The following NECAB3 variants were observed in gnomAD, a reference collection of about 807,000 sequenced individuals.
NECAB3 encodes the protein N-terminal EF-hand calcium binding protein 3, also known as N-terminal EF-hand calcium-binding protein 3.
NECAB3 carries 38 observed loss-of-function variants against 57.2 expected under a neutral mutation model. The observed-to-expected ratio is 0.66, with a 90% CI of 0.51 to 0.87. NECAB3 has a LOEUF of 0.87. Ranked by LOEUF, NECAB3 falls within the 40% of genes least tolerant of loss-of-function variation. NECAB3 has a pLI of 0.00. For synonymous variants in NECAB3, 223 were observed against 222.6 expected, an observed-to-expected ratio of 1.00 and a Z score of -0.02; for missense variants, 474 against 527.5, an observed-to-expected ratio of 0.90 and a Z score of 0.99.
At position 33,659,904 on chromosome 20, in the gene NECAB3, G is replaced by A; in HGVS notation, c.624C>T (p.Ser208=). The change falls in exon 7 of 12, where the codon TCC becomes TCT. Residue 208 remains serine (S), a synonymous_variant. Transcript: ENST00000246190. The stretch of plus-strand genomic sequence containing the variant: ...GCGCACCTGTGTCAGAAGAGCCGGG[G>A]GACCAGGTGGATGACCGGCTGACAC... The part of the protein sequence containing the change: ...LRSVSRSSTW[S]PGSSDTGRSS... 1 of 1,546,902 alleles carries A rather than the reference G, an allele frequency of 6.5e-7. No homozygotes were observed. The highest frequency in any genetic ancestry group is 2.0e-5 in the Admixed American group (1 of 51,082).
intron 5 of NECAB3, chr20:33,663,925 C>A: frequency 7.5e-7 from 1 of 1,336,604 alleles, no homozygotes; most frequent in Non-Finnish European, 9.6e-7. Flanking sequence ...CGCCTGCGAA[C>A]CCTGTCGGAG....
At position 33,657,736 on chromosome 20, in the gene NECAB3, C is replaced by CA; in HGVS notation, c.*92dup. ...CACCAGGCCCAAGTCCAGGAGGAGA[C>CA]AAGTCCTGGTCTTTGCGCTGGGCTG... On this transcript the variant is annotated 3_prime_UTR_variant, in exon 12 of 12. Coordinates refer to ENST00000246190, the MANE Select transcript of NECAB3 (RefSeq NM_031232.4). 1 of 1,353,832 alleles carries CA rather than the reference C, an allele frequency of 7.4e-7. No individual in the cohort carries two copies. The highest frequency in any genetic ancestry group is 9.9e-7 in the Non-Finnish European group (1 of 1,014,340). The allele number at this position is 1,353,832 out of a possible 1,614,324, so 83.9% of individuals were successfully genotyped here.
At chr20:33,664,981 G>A (rs998682340) in intron 5 of NECAB3, 2 of 152,230 alleles carry the variant, frequency 1.3e-5, no homozygotes, top group South Asian at 2.1e-4. Context: ...CCTGCTAATT[G>A]TGAGAACTGA....
At chr20:33,661,121 A>AG (rs1568893892) in intron 5 of NECAB3, among the ~76,000 whole-genome samples, 1 of 152,236 alleles carries the variant, frequency 6.6e-6, no homozygotes, top group Non-Finnish European at 1.5e-5. Context: ...CAGCACATGG[A>AG]GCTGCAAGAA....
intron 4 of NECAB3, 60 bp downstream of exon 4, chr20:33,669,627 C>A: frequency 6.4e-7 from 1 of 1,552,742 alleles, no homozygotes; most frequent in Non-Finnish European, 8.7e-7. Flanking sequence ...CAGTCCCTTG[C>A]CACACGTACC....
intron 5 of NECAB3, among the ~76,000 whole-genome samples, chr20:33,661,155 T>C (rs2017464070): frequency 6.6e-6 from 1 of 152,198 alleles, no homozygotes; most frequent in African/African-American, 2.4e-5. Flanking sequence ...AATTCCTGCA[T>C]AGGACTCAGC....
intron 5 of NECAB3, among the ~76,000 whole-genome samples, chr20:33,661,431 C>A (rs532200747): frequency 6.6e-6 from 1 of 152,168 alleles, no homozygotes; most frequent in Non-Finnish European, 1.5e-5. Flanking sequence ...GCTCAGCCAT[C>A]GGATGGGACC....
intron 5 of NECAB3, among the ~76,000 whole-genome samples, chr20:33,665,809 G>A (rs1304324925): frequency 2.0e-5 from 3 of 152,318 alleles, no homozygotes; most frequent in Non-Finnish European, 4.4e-5. Flanking sequence ...CTTGCTGGGT[G>A]CGGTGGCTCA....
chr20:33,672,505 C>G, intron 1 of NECAB3, 83 bp from the exon 2 acceptor site: 3 of 1,539,090 alleles, frequency 1.9e-6, no homozygotes, highest in Non-Finnish European at 2.7e-6. Flanking sequence ...AGGGTCCCAG[C>G]TGGCCGACCT....
chr20:33,659,207 TG>T (rs1273234626), intron 8 of NECAB3, among the ~76,000 whole-genome samples: 2 of 152,174 alleles, frequency 1.3e-5, no homozygotes, highest in Non-Finnish European at 2.9e-5. Flanking sequence ...GGGTGCTGCT[TG>T]ATCCAGCCAC....
At chr20:33,668,111 G>A (rs199763485) in intron 5 of NECAB3, 4 of 1,609,070 alleles carry the variant, frequency 2.5e-6, no homozygotes, top group South Asian at 2.2e-5. Flanking sequence ...AAGCATGGGC[G>A]TGGCATGGCT....
chr20:33,661,295 CCA>C (rs150092075), intron 5 of NECAB3, among the ~76,000 whole-genome samples: 3 of 151,304 alleles, frequency 2.0e-5, no homozygotes, highest in Middle Eastern at 3.4e-3. Context: ...CTAACCCCTA[CCA>C]CACACACACA....
At chr20:33,658,586 C>T (rs1322281298) in intron 9 of NECAB3, 32 bp from the exon 10 acceptor site, 3 of 1,612,868 alleles carry the variant, frequency 1.9e-6, no homozygotes, top group Admixed American at 1.7e-5. Flanking sequence ...CAGGCCAGGC[C>T]AGGGCTGCCA....
Position 33,670,705 on chromosome 20 carries a change from C to A in NECAB3, c.242G>T (p.Gly81Val). The A allele has an allele frequency of 1.2e-6, 2 of 1,613,914 alleles. No homozygotes were observed. Among genetic ancestry groups the A allele is most frequent in the Non-Finnish European group, 8.5e-7 (1 of 1,179,850 alleles). Residue 81 changes from glycine (G) to valine (V), a missense_variant, in exon 3 of 12, where the codon GGC becomes GTC. By Grantham distance (109) the Gly-to-Val change is moderately radical. Transcript: ENST00000246190. ...TCACTCGGTGAGATGCCCATCAATG[C>A]CGCTGAACAGTTCCTGCAGCTCCCC... is the stretch of plus-strand genomic sequence containing the variant. ...SLGELQELFS[G>V]IDGHLTDNLE... is the part of the protein sequence containing the mutation.
rs2017908088 is a variant in NECAB3 at position 33,674,421 on chromosome 20, G to A, written c.-69C>T. 3 of 1,095,400 alleles carry A rather than the reference G, an allele frequency of 2.7e-6. No homozygotes were observed. The highest frequency in any genetic ancestry group is 2.2e-6 in the Non-Finnish European group (2 of 901,214). 67.9% of individuals were successfully genotyped at this position (1,095,400 alleles called of 1,614,324 possible). ...CTGGACGCCGCGGCGGACTCGGTGTGGCTAGAGGCCGCCCCTTGGCGCCGG... is the reference window on the plus strand; with the variant it reads ...CTGGACGCCGCGGCGGACTCGGTGTAGCTAGAGGCCGCCCCTTGGCGCCGG... On this transcript the variant is annotated 5_prime_UTR_variant, in exon 1 of 12. Transcript: ENST00000246190.
chr20:33,668,310 G>C, intron 5 of NECAB3: 1 of 1,515,062 alleles, frequency 6.6e-7, no homozygotes, highest in Middle Eastern at 1.8e-4. Context: ...GTTTGGAGCT[G>C]GCAGGGTCCT....
At chr20:33,670,435 G>A (rs2017805638) in intron 3 of NECAB3, 1 of 423,314 alleles carries the variant, frequency 2.4e-6, no homozygotes, top group Admixed American at 4.1e-5. Flanking sequence ...TGGGAAGCGG[G>A]AATGGGGAGC....
rs1161110840 is a variant in NECAB3 at position 33,658,826 on chromosome 20, G to A, written c.888C>T (p.Leu296=). ...DLAKGPDLHI[L]MAQRQVQVAE... ...CCACCTGGACCTGCCTCTGGGCCATGAGGATGTGCTGGTGGGAGAGGCAGC... is the reference window on the plus strand; with the variant it reads ...CCACCTGGACCTGCCTCTGGGCCATAAGGATGTGCTGGTGGGAGAGGCAGC... Residue 296 remains leucine, a synonymous_variant, in exon 9 of 12, where the codon CTC becomes CTT. Coordinates refer to ENST00000246190, the MANE Select transcript of NECAB3 (RefSeq NM_031232.4). The A allele has an allele frequency of 6.2e-7, 1 of 1,613,012 alleles. No homozygotes were observed. Among genetic ancestry groups the A allele is most frequent in the African/African-American group, 1.3e-5 (1 of 74,940 alleles).
intron 5 of NECAB3, chr20:33,662,868 G>T (rs2017525096): frequency 1.0e-5 from 2 of 200,720 alleles, no homozygotes; most frequent in Admixed American, 1.1e-4. Context: ...CAGGAGGTCA[G>T]GGATGCAGTG....
Sources: gnomAD v4.1 joint callset for allele counts (sites outside exome capture counted in the v4.1 genomes callset) on GRCh38, gnomAD v4.1.1 for gene constraint, MANE v1.5 for transcripts, NCBI Gene and HGNC (gene_info 2026-07-23, HGNC 2026-07-21) for gene names.